Variants in CRLF2 observed in about 807,000 individuals in gnomAD.
The protein encoded by CRLF2 is cytokine receptor like factor 2.
In CRLF2, 41 loss-of-function variants were observed where a neutral mutation model predicts 38.7. The observed-to-expected ratio is 1.06, with a 90% CI of 0.83 to 1.37. The LOEUF is 1.37. Ranked by LOEUF, CRLF2 falls within the 40% of genes most tolerant of loss-of-function variation. CRLF2 has a pLI of 0.00. For synonymous variants in CRLF2, 140 were observed against 128.8 expected, an observed-to-expected ratio of 1.09 and a Z score of -0.59; for missense variants, 377 against 322.2, an observed-to-expected ratio of 1.17 and a Z score of -1.30.
intron 5 of CRLF2, among the ~76,000 whole-genome samples, chrX:1,198,164 G>C (rs1389070161): frequency 1.4e-5 from 2 of 139,102 alleles, no homozygotes; most frequent in Admixed American, 1.4e-4. Flanking sequence ...TCGAAGGCAG[G>C]ACACCCTCCC....
chrX:1,197,836 T>TA (rs1225603004), intron 5 of CRLF2, among the ~76,000 whole-genome samples: 1 of 149,698 alleles, frequency 6.7e-6, no homozygotes, highest in Admixed American at 6.7e-5. Context: ...AATAAAAAAA[T>TA]AAAAAATAAA....
intron 5 of CRLF2, 53 bp downstream of exon 5, chrX:1,198,509 C>G: frequency 2.5e-6 from 4 of 1,602,936 alleles, no homozygotes; most frequent in South Asian, 2.2e-5. Context: ...GTGGCTATGC[C>G]TACTCCAGCC....
At chrX:1,205,015 TG>T (rs1228847924) in intron 3 of CRLF2, among the ~76,000 whole-genome samples, 3 of 136,282 alleles carry the variant, frequency 2.2e-5, no homozygotes, top group Non-Finnish European at 3.2e-5. Flanking sequence ...TTTGTAGAGA[TG>T]GGGTTTCACC....
intron 5 of CRLF2, among the ~76,000 whole-genome samples, chrX:1,197,713 C>T (rs1209666534): frequency 1.3e-5 from 2 of 151,856 alleles, no homozygotes; most frequent in African/African-American, 4.8e-5. Flanking sequence ...ACTTGGGAGG[C>T]TGAGGCAGGA....
At chrX:1,208,196 G>A (rs1423204621) in intron 2 of CRLF2, among the ~76,000 whole-genome samples, 1 of 152,050 alleles carries the variant, frequency 6.6e-6, no homozygotes, top group Non-Finnish European at 1.5e-5. Context: ...CTGCCTAGCA[G>A]ATAAGACTTA....
intron 7 of CRLF2, among the ~76,000 whole-genome samples, chrX:1,192,397 G>C (rs2147818858): frequency 6.6e-6 from 1 of 151,738 alleles, no homozygotes; most frequent in South Asian, 2.1e-4. Flanking sequence ...GCCAAGGTGG[G>C]TGGACTTGAG....
intron 5 of CRLF2, among the ~76,000 whole-genome samples, chrX:1,197,675 T>C (rs1338409435): frequency 6.6e-6 from 1 of 151,658 alleles, no homozygotes; most frequent in Admixed American, 6.6e-5. Context: ...TTAGGCGGGC[T>C]TGGTGGTGCG....
At chrX:1,192,728 C>CTT (rs2086411825) in intron 7 of CRLF2, among the ~76,000 whole-genome samples, 3 of 77,566 alleles carry the variant, frequency 3.9e-5, no homozygotes, top group Admixed American at 1.3e-4. Context: ...TTCTTTCTTT[C>CTT]TTTCTTTCTT....
intron 1 of CRLF2, 133 bp downstream of exon 1, chrX:1,212,418 GAAAAA>G (rs369256719): frequency 0.067 from 28,637 of 429,412 alleles, 535 homozygotes; most frequent in African/African-American, 0.15. Context: ...CTTGAACCCG[GAAAAA>G]AAAAAAAAAA....
intron 4 of CRLF2, 162 bp from the exon 5 acceptor site, chrX:1,198,886 C>G: frequency 1.4e-6 from 1 of 716,822 alleles, no homozygotes; most frequent in Non-Finnish European, 2.4e-6. Flanking sequence ...CAGTGGCTCA[C>G]TCCTGTAAAC....
In CRLF2 at chrX:1,200,734, T is replaced by C. The variant is rs1278464769; in HGVS notation, c.483+1668A>G. Among the ~76,000 whole-genome samples the C allele has an allele frequency of 1.2e-4, 5 of 40,196 alleles. 1 individual carries two copies. The highest frequency in any genetic ancestry group is 6.0e-4 in the Admixed American group (2 of 3,328). The allele number at this position is 40,196 out of a possible 152,430, so 26.4% of individuals were successfully genotyped here. Reference sequence around the variant, plus strand: ...AGATGTGTATATACGTGTGTATAAATATGCATAGATAAGGTATGTATATAT... The same window carrying C: ...AGATGTGTATATACGTGTGTATAAACATGCATAGATAAGGTATGTATATAT... On this transcript the variant is annotated intron_variant, in intron 4 of 7. Coordinates refer to ENST00000400841, the MANE Select transcript of CRLF2 (RefSeq NM_022148.4).
chrX:1,212,582 C>A lies in CRLF2; in HGVS notation c.53G>T (p.Trp18Leu), dbSNP rs1363545051. ...WGAAVFLLGG[W>L]MALGQGGAAE... ...TGCTCCTCCTTGCCCCAAAGCCATC[C>A]AGCCTCCCAGCAGAAAGACGGCAGC... is the stretch of plus-strand genomic sequence containing the variant. The change falls in exon 1 of 8, where the codon TGG (tryptophan) becomes TTG (leucine). Residue 18 changes from tryptophan to leucine, a missense_variant. Physicochemically the swap from Trp to Leu is moderately conservative, Grantham distance 61 (BLOSUM62 -2). Transcript: ENST00000400841. 2.5e-6 allele frequency: 4 copies of A among 1,612,598 alleles called. No homozygotes were observed. In the Admixed American group the frequency reaches 6.7e-5, roughly 27 times the overall value.
intron 1 of CRLF2, among the ~76,000 whole-genome samples, chrX:1,210,249 A>G (rs112284143): frequency 0.4 from 60,311 of 151,510 alleles, 12,504 homozygotes; most frequent in African/African-American, 0.5. Flanking sequence ...AATTCCGAAC[A>G]GGGACAATGG....
At chrX:1,198,537 G>T in intron 5 of CRLF2, 25 bp downstream of exon 5, 3 of 1,612,652 alleles carry the variant, frequency 1.9e-6, no homozygotes, top group Non-Finnish European at 2.5e-6. Context: ...AAGGCTATGG[G>T]ACACTGCCGC....
At chrX:1,192,775 T>C (rs1210473922) in intron 7 of CRLF2, among the ~76,000 whole-genome samples, 3 of 141,868 alleles carry the variant, frequency 2.1e-5, no homozygotes, top group East Asian at 2.1e-4. Context: ...TTTCCTTCCT[T>C]CCTCTCTCCC....
intron 1 of CRLF2, 29 bp downstream of exon 1, chrX:1,212,527 C>T (rs1309186594): frequency 1.9e-6 from 3 of 1,567,780 alleles, no homozygotes; most frequent in East Asian, 2.3e-5. Context: ...AACCAAAATA[C>T]AACAAGAAGA....
chrX:1,191,653 T>TC, intron 7 of CRLF2, among the ~76,000 whole-genome samples: 1 of 151,430 alleles, frequency 6.6e-6, no homozygotes, highest in East Asian at 2.0e-4. Flanking sequence ...TGCCTCAGCC[T>TC]CCTGAGTAGC....
At chrX:1,205,277 C>G (rs1486951029) in intron 3 of CRLF2, among the ~76,000 whole-genome samples, 1 of 152,154 alleles carries the variant, frequency 6.6e-6, no homozygotes, top group Non-Finnish European at 1.5e-5. Context: ...GCACCGGGCT[C>G]TAGTGGCCAA....
chrX:1,206,708 T>C, intron 2 of CRLF2, 109 bp from the exon 3 acceptor site: 6 of 1,022,632 alleles, frequency 5.9e-6, no homozygotes, highest in African/African-American at 3.2e-5. Flanking sequence ...AATGGCGCGA[T>C]CTCAGCTCAC....
Sources: gnomAD v4.1 joint callset for allele counts (sites outside exome capture counted in the v4.1 genomes callset) on GRCh38, gnomAD v4.1.1 for gene constraint, MANE v1.5 for transcripts, NCBI Gene and HGNC (gene_info 2026-07-23, HGNC 2026-07-21) for gene names.